Variants in PDGFRL observed in about 807,000 individuals in gnomAD.
The protein encoded by PDGFRL is platelet-derived growth factor receptor-like protein.
PDGFRL carries 46 observed loss-of-function variants against 37.2 expected under a neutral mutation model. The ratio of observed to expected loss-of-function variants is 1.24; its 90% confidence interval spans 0.98 to 1.58. The LOEUF (loss-of-function observed/expected upper bound fraction) is 1.58, where lower values mean the gene tolerates loss of function less well. PDGFRL is among the 40% of genes most tolerant of loss of function. PDGFRL has a pLI of 0.00. For synonymous variants in PDGFRL, 251 were observed against 184.3 expected (o/e 1.36, Z -2.93); for missense variants, 692 against 467.6 (o/e 1.48, Z -4.43).
Position 17,589,550 on chromosome 8 carries a change from GC to G in PDGFRL, c.141del (p.Ile49PhefsTer4), listed in dbSNP as rs759637041. ...TCAAACCTACCAACAAGAAGGTGAA[GC>G]CCAAAATTCCTAAAATGAAGGACAG... is the stretch of plus-strand genomic sequence containing the variant. ...RIKPTNKKVKPKIPKMKDRDS... is the reference protein window; with the variant it reads ...RIKPTNKKVKXKIPKMKDRDS... On this transcript the variant is annotated frameshift_variant, in exon 2 of 6. Coordinates refer to ENST00000251630, the MANE Select transcript of PDGFRL (RefSeq NM_001372073.1). LOFTEE classifies it high-confidence loss of function. The G allele has an allele frequency of 6.2e-7, 1 of 1,613,558 alleles. No individual in the cohort carries two copies. Among genetic ancestry groups the G allele is most frequent in the African/African-American group, 1.3e-5 (1 of 74,908 alleles).
At chr8:17,598,898 A>G (rs886265654) in intron 2 of PDGFRL, among the ~76,000 whole-genome samples, 1 of 152,134 alleles carries the variant, frequency 6.6e-6, no homozygotes, top group Admixed American at 6.5e-5. Flanking sequence ...GCTACCACGT[A>G]AGACATCCCT....
At chr8:17,608,037 C>T (rs1431622902) in intron 2 of PDGFRL, among the ~76,000 whole-genome samples, 1 of 152,218 alleles carries the variant, frequency 6.6e-6, no homozygotes, top group Non-Finnish European at 1.5e-5. Context: ...CCGCCCAGAA[C>T]CTTCTCTTGT....
chr8:17,616,263 C>G lies in PDGFRL; in HGVS notation c.354-4788C>G, dbSNP rs1804525129. On this transcript the variant is annotated intron_variant, in intron 2 of 5. Transcript: ENST00000251630. Reference sequence around the variant, plus strand: ...AGGCCGGAGTGCAGTGCCGCAATCTCAGCTCACTGCAACCTCCGCCTCCCG... The same window carrying G: ...AGGCCGGAGTGCAGTGCCGCAATCTGAGCTCACTGCAACCTCCGCCTCCCG... 2.0e-5 allele frequency among the ~76,000 whole-genome samples: 3 copies of G among 152,152 alleles called. No homozygotes were observed. The South Asian group carries it at 6.2e-4, about 32-fold the overall frequency.
chr8:17,604,165 A>G (rs1300562611), intron 2 of PDGFRL, among the ~76,000 whole-genome samples: 1 of 152,188 alleles, frequency 6.6e-6, no homozygotes, highest in Non-Finnish European at 1.5e-5. Flanking sequence ...ACCATTGTGG[A>G]AGTCAGTGTG....
intron 2 of PDGFRL, among the ~76,000 whole-genome samples, chr8:17,594,312 C>T (rs13248886): frequency 1.3e-5 from 2 of 151,532 alleles, no homozygotes; most frequent in African/African-American, 4.9e-5. Flanking sequence ...GGGATCTCGG[C>T]TCAGTACAGC....
rs1554556556 is a variant in PDGFRL, at chr8:17,641,901, G to GCCCCCCCAC, written c.940-710_940-709insCCCCCACCC. 6.8e-3 allele frequency among the ~76,000 whole-genome samples: 789 copies of GCCCCCCCAC among 116,282 alleles called. 9 individuals carry two copies. The highest frequency in any genetic ancestry group is 0.027 in the Middle Eastern group (7 of 260). 76.3% of individuals were successfully genotyped at this position (116,282 alleles called of 152,430 possible). On this transcript the variant is annotated intron_variant, in intron 5 of 5. Coordinates refer to ENST00000251630, the MANE Select transcript of PDGFRL (RefSeq NM_001372073.1). Reference sequence around the variant, plus strand: ...TTGATGATTTTCAATAGAGGTCCCCGCCACATTGCTATTTGGTATTTTATG... The same window carrying GCCCCCCCAC: ...TTGATGATTTTCAATAGAGGTCCCCGCCCCCCCACCCACATTGCTATTTGGTATTTTATG...
At chr8:17,584,764 G>A (rs942754037) in intron 1 of PDGFRL, among the ~76,000 whole-genome samples, 2 of 151,284 alleles carry the variant, frequency 1.3e-5, no homozygotes, top group African/African-American at 4.9e-5. Context: ...AGTGTTACCG[G>A]AAAGGGGTCC....
intron 2 of PDGFRL, among the ~76,000 whole-genome samples, chr8:17,603,970 A>G (rs1804221063): frequency 6.6e-6 from 1 of 152,192 alleles, no homozygotes; most frequent in African/African-American, 2.4e-5. Flanking sequence ...CATGAAGGGC[A>G]GGTGGGTAAG....
chr8:17,585,596 A>T (rs1336564035), intron 1 of PDGFRL, among the ~76,000 whole-genome samples: 1 of 152,152 alleles, frequency 6.6e-6, no homozygotes, highest in Non-Finnish European at 1.5e-5. Context: ...TTGGGAAGCA[A>T]CTGAGTGGCT....
At chr8:17,640,731 G>A (rs1805074129) in intron 5 of PDGFRL, among the ~76,000 whole-genome samples, 1 of 152,036 alleles carries the variant, frequency 6.6e-6, no homozygotes, top group African/African-American at 2.4e-5. Flanking sequence ...TTCGTTTATT[G>A]CACTAGTTTT....
chr8:17,584,187 C>G (rs117022483), intron 1 of PDGFRL, among the ~76,000 whole-genome samples: 2,601 of 152,260 alleles, frequency 0.017, 32 homozygotes, highest in Non-Finnish European at 0.027. Flanking sequence ...AAATTTAAAA[C>G]AAGTGCGACT....
At chr8:17,595,340 C>G (rs1804029009) in intron 2 of PDGFRL, among the ~76,000 whole-genome samples, 1 of 152,280 alleles carries the variant, frequency 6.6e-6, no homozygotes, top group South Asian at 2.1e-4. Flanking sequence ...CCAAAGGTGC[C>G]CAGGGTCTGG....
intron 4 of PDGFRL, among the ~76,000 whole-genome samples, chr8:17,632,079 C>A (rs1042815492): frequency 6.6e-6 from 1 of 152,226 alleles, no homozygotes; most frequent in Non-Finnish European, 1.5e-5. Context: ...GGACCTGGTT[C>A]TTCCTCCTCC....
chr8:17,638,737 G>GCATA (rs1805025081), intron 5 of PDGFRL, among the ~76,000 whole-genome samples: 1 of 49,156 alleles, frequency 2.0e-5, no homozygotes, highest in Non-Finnish European at 3.7e-5. Context: ...GGCATTAGGT[G>GCATA]CATATATATA....
At chr8:17,636,558 TTG>T (rs1804973547) in intron 5 of PDGFRL, among the ~76,000 whole-genome samples, 1 of 9,180 alleles carries the variant, frequency 1.1e-4, no homozygotes, top group South Asian at 0.011. Context: ...GCCTCTAGAT[TTG>T]TTTTTTTTTT....
At chr8:17,599,961 C>T (rs1450659802) in intron 2 of PDGFRL, among the ~76,000 whole-genome samples, 2 of 152,164 alleles carry the variant, frequency 1.3e-5, no homozygotes, top group African/African-American at 2.4e-5. Context: ...TCATCAACAT[C>T]TCCTTGAAAA....
chr8:17,640,618 C>T (rs550582155), intron 5 of PDGFRL, among the ~76,000 whole-genome samples: 3 of 152,248 alleles, frequency 2.0e-5, no homozygotes, highest in Non-Finnish European at 4.4e-5. Flanking sequence ...GTACAGAGTC[C>T]TTTGATGTCT....
chr8:17,625,377 C>A (rs1459753854), intron 3 of PDGFRL, among the ~76,000 whole-genome samples: 3 of 151,958 alleles, frequency 2.0e-5, no homozygotes, highest in African/African-American at 7.3e-5. Flanking sequence ...GTCTCGGTCT[C>A]CTGACCTCAT....
At position 17,628,648 on chromosome 8, in the gene PDGFRL, A is replaced by T. The variant is rs770742751; in HGVS notation, c.667A>T (p.Ile223Phe). The change falls in exon 4 of 6, where the codon ATT becomes TTT. Residue 223 changes from isoleucine to phenylalanine, a missense_variant. Coordinates refer to ENST00000251630, the MANE Select transcript of PDGFRL (RefSeq NM_001372073.1). ...AKEIPANGTDIVYDMKRGFVY... is the reference protein window; with the variant it reads ...AKEIPANGTDFVYDMKRGFVY... ...GGAGATCCCAGCCAATGGAACGGAC[A>T]TTGTTTATGACATGAAGCGGGGCTT... 1.2e-6 allele frequency: 2 copies of T among 1,614,082 alleles called. No individual in the cohort carries two copies. Among genetic ancestry groups the T allele is most frequent in the Non-Finnish European group, 1.7e-6 (2 of 1,180,034 alleles).
Sources: allele counts gnomAD v4.1 joint callset (sites outside exome capture counted in the v4.1 genomes callset), GRCh38; gene constraint gnomAD v4.1.1; transcripts MANE v1.5; gene names NCBI Gene and HGNC (gene_info 2026-07-23, HGNC 2026-07-21).